SRGAP3: variants seen among roughly 807,000 people sequenced by gnomAD.
SRGAP3 encodes SLIT-ROBO Rho GTPase-activating protein 3.
Under a neutral mutation model 121.1 loss-of-function variants are expected in SRGAP3, and 39 were observed. That is an observed-to-expected ratio of 0.32 (90% CI 0.25 to 0.42). The LOEUF is 0.42. SRGAP3 is among the 10% of genes least tolerant of loss of function. SRGAP3 has a pLI of 1.00. For missense variants in SRGAP3, 1,213 were observed against 1,470.6 expected, an observed-to-expected ratio of 0.82 and a Z score of 2.86; for synonymous variants, 601 against 570.0, an observed-to-expected ratio of 1.05 and a Z score of -0.77.
chr3:9,052,850 C>T (rs1191846136), intron 9 of SRGAP3, among the ~76,000 whole-genome samples, 177 bp downstream of exon 9: 1 of 152,144 alleles, frequency 6.6e-6, no homozygotes. Flanking sequence ...TGGGAATTCA[C>T]TTTCTGCATT....
intron 4 of SRGAP3, among the ~76,000 whole-genome samples, chr3:9,069,810 G>A (rs1291059687): frequency 1.3e-5 from 2 of 152,190 alleles, no homozygotes; most frequent in African/African-American, 4.8e-5. Context: ...AGCCAGGCGT[G>A]GTGGTGGGCC....
chr3:9,015,652 T>G lies in SRGAP3; in HGVS notation c.1758A>C (p.Gly586=). The G allele has an allele frequency of 6.2e-7, 1 of 1,614,052 alleles. No individual in the cohort carries two copies. The change falls in exon 15 of 22, where the codon GGA becomes GGC. Residue 586 remains glycine (G), a synonymous_variant. Coordinates refer to ENST00000383836, the MANE Select transcript of SRGAP3 (RefSeq NM_014850.4). The part of the protein sequence containing the change: ...VAGVLKLYFR[G]LENPLFPKER... ...CCTTAGGAAAGAGTGGGTTTTCCAG[T>G]CCTCGGAAATACAGTTTTAAAACAC...
intron 18 of SRGAP3, among the ~76,000 whole-genome samples, chr3:9,003,316 G>A (rs1574884343): frequency 1.3e-5 from 2 of 151,994 alleles, no homozygotes; most frequent in African/African-American, 4.8e-5. Flanking sequence ...TGTCTCTACT[G>A]AAAATACAAA....
In SRGAP3 at chr3:9,335,178, T is replaced by C. The variant is rs562999591; in HGVS notation, n.215-4582A>G. Among the ~76,000 whole-genome samples the C allele has an allele frequency of 5.4e-4, 82 of 152,298 alleles. 1 individual carries two copies. Among genetic ancestry groups the C allele is most frequent in the Admixed American group, 3.2e-3 (49 of 15,302 alleles). On this transcript the variant is annotated intron_variant and non_coding_transcript_variant, in intron 1 of 3. Coordinates refer to the SRGAP3 transcript ENST00000490889. ...GCCTGGGCTCACTCATATGGTCCCA[T>C]TGATTTGAAAGATTGCCTGGGGGCT...
chr3:9,267,433 G>A (rs567681702), intron 3 of SRGAP3, among the ~76,000 whole-genome samples: 1 of 152,330 alleles, frequency 6.6e-6, no homozygotes, highest in South Asian at 2.1e-4. Context: ...ACATGCAGTG[G>A]TTTCAGTTGG....
At chr3:9,011,241 G>A (rs1250391849) in intron 17 of SRGAP3, among the ~76,000 whole-genome samples, 4 of 152,190 alleles carry the variant, frequency 2.6e-5, no homozygotes, top group Non-Finnish European at 5.9e-5. Flanking sequence ...TGTTATGCAG[G>A]AAATAAATGG....
Position 9,326,832 on chromosome 3 carries a change from T to A in SRGAP3, n.284-664A>T, listed in dbSNP as rs137862750. Among the ~76,000 whole-genome samples the A allele has an allele frequency of 6.6e-4, 100 of 151,910 alleles. 1 individual carries two copies. In the East Asian group the frequency reaches 0.012, roughly 18 times the overall value. On this transcript the variant is annotated intron_variant and non_coding_transcript_variant, in intron 2 of 3. Coordinates refer to the SRGAP3 transcript ENST00000490889. ...TACAAAATAGAATCTCACGTTACCATAAGTCATTCATTTCACCAAAATGAT... is the reference window on the plus strand; with the variant it reads ...TACAAAATAGAATCTCACGTTACCAAAAGTCATTCATTTCACCAAAATGAT...
chr3:9,006,620 G>C (rs1247812001), intron 18 of SRGAP3, among the ~76,000 whole-genome samples: 1 of 152,142 alleles, frequency 6.6e-6, no homozygotes, highest in African/African-American at 2.4e-5. Flanking sequence ...AGACCAACAG[G>C]GGGAGGAGTC....
chr3:9,137,892 C>T (rs1313133007), intron 1 of SRGAP3, among the ~76,000 whole-genome samples: 1 of 152,254 alleles, frequency 6.6e-6, no homozygotes, highest in Non-Finnish European at 1.5e-5. Context: ...GGCCACGCCT[C>T]CTCCTACCAG....
At chr3:9,154,198 CA>C (rs1263816353) in intron 1 of SRGAP3, among the ~76,000 whole-genome samples, 1 of 152,158 alleles carries the variant, frequency 6.6e-6, no homozygotes, top group African/African-American at 2.4e-5. Flanking sequence ...AGCATCCCAT[CA>C]CACCACACAC....
At chr3:9,287,655 A>G (rs1348659272) in intron 3 of SRGAP3, among the ~76,000 whole-genome samples, 2 of 152,208 alleles carry the variant, frequency 1.3e-5, no homozygotes, top group Admixed American at 6.5e-5. Context: ...TATTGGGTAC[A>G]ATGTTCACTA....
At chr3:9,279,025 A>G (rs1399792246) in intron 3 of SRGAP3, among the ~76,000 whole-genome samples, 1 of 152,050 alleles carries the variant, frequency 6.6e-6, no homozygotes, top group East Asian at 1.9e-4. Flanking sequence ...TGTAATCCTA[A>G]CTACTTGGGA....
At chr3:9,354,613 C>T (rs1294274979) in intron 1 of SRGAP3, among the ~76,000 whole-genome samples, 11 of 143,918 alleles carry the variant, frequency 7.6e-5, no homozygotes, top group African/African-American at 2.6e-4. Flanking sequence ...ACCCGGGAGG[C>T]GGAGCTTGCA....
At chr3:8,998,555 C>CATA (rs71049761) in intron 18 of SRGAP3, among the ~76,000 whole-genome samples, 1 of 151,406 alleles carries the variant, frequency 6.6e-6, no homozygotes, top group Non-Finnish European at 1.5e-5. Context: ...TATATATATA[C>CATA]TATATATATG....
Position 9,058,388 on chromosome 3 carries a change from G to A in SRGAP3, c.886C>T (p.His296Tyr). Residue 296 changes from histidine to tyrosine, a missense_variant, in exon 7 of 22, where the codon CAC becomes TAC. Around this residue, in one of 2 missense-constraint regions of SRGAP3, gnomAD observed 793 missense variants for 1,032.9 expected, o/e 0.77. Coordinates refer to ENST00000383836, the MANE Select transcript of SRGAP3 (RefSeq NM_014850.4). The stretch of plus-strand genomic sequence containing the variant: ...TTCTCAATGACATCCAGCCCTTCGT[G>A]GCGAGAGGTCTCCAGGTTGTATTCA... ...SAEYNLETSR[H>Y]EGLDVIENAV... 1 of 1,614,238 alleles carries A rather than the reference G, an allele frequency of 6.2e-7. No individual in the cohort carries two copies. Among genetic ancestry groups the A allele is most frequent in the South Asian group, 1.1e-5 (1 of 91,088 alleles).
intron 3 of SRGAP3, chr3:9,257,139 C>T (rs1169768512): frequency 3.1e-6 from 1 of 320,420 alleles, no homozygotes; most frequent in Non-Finnish European, 5.6e-6. Flanking sequence ...ATAATTTACA[C>T]CTTATATTTT....
chr3:9,153,663 A>C (rs1950288272), intron 1 of SRGAP3, among the ~76,000 whole-genome samples: 1 of 152,238 alleles, frequency 6.6e-6, no homozygotes, highest in South Asian at 2.1e-4. Flanking sequence ...CATTTAACAC[A>C]GACATAATCA....
chr3:9,182,522 A>C (rs2125123414), intron 1 of SRGAP3, among the ~76,000 whole-genome samples: 2 of 152,324 alleles, frequency 1.3e-5, no homozygotes, highest in South Asian at 4.1e-4. Flanking sequence ...GAGTGATTTC[A>C]GACATCCACC....
chr3:9,056,122 T>A (rs1036511446), intron 8 of SRGAP3, 111 bp downstream of exon 8: 2 of 934,574 alleles, frequency 2.1e-6, no homozygotes, highest in African/African-American at 3.2e-5. Flanking sequence ...TACTATTCCA[T>A]CTTATAAGTG....
Sources: allele counts gnomAD v4.1 joint callset (sites outside exome capture counted in the v4.1 genomes callset), GRCh38; gene constraint gnomAD v4.1.1; regional missense constraint gnomAD v4.1.1; transcripts MANE v1.5; gene names NCBI Gene and HGNC (gene_info 2026-07-23, HGNC 2026-07-21).